The following KHDRBS2 variants were observed in gnomAD, a reference collection of about 807,000 sequenced individuals.
The protein encoded by KHDRBS2 is KH domain-containing, RNA-binding, signal transduction-associated protein 2.
In KHDRBS2, 26 loss-of-function variants were observed where a neutral mutation model predicts 44.3. That is an observed-to-expected ratio of 0.59 (90% CI 0.43 to 0.81). KHDRBS2 has a LOEUF of 0.81. KHDRBS2 is among the 40% of genes least tolerant of loss of function. The pLI, the probability that KHDRBS2 is intolerant of heterozygous loss-of-function variation, is 0.00. For synonymous variants in KHDRBS2, 194 were observed against 151.1 expected (o/e 1.28, Z -2.08); for missense variants, 476 against 433.1 (o/e 1.10, Z -0.88).
intron 4 of KHDRBS2, among the ~76,000 whole-genome samples, chr6:61,904,465 C>T (rs1413974631): frequency 6.6e-6 from 1 of 152,174 alleles, no homozygotes; most frequent in Admixed American, 6.6e-5. Context: ...AGAAATAAAT[C>T]ACCTGTGAGA....
chr6:61,946,828 C>T (rs1813464859), intron 4 of KHDRBS2, among the ~76,000 whole-genome samples: 1 of 152,096 alleles, frequency 6.6e-6, no homozygotes, highest in South Asian at 2.1e-4. Context: ...ATATCCAGAC[C>T]TCTCTCTTTC....
chr6:61,851,785 T>A (rs377002228), intron 6 of KHDRBS2, among the ~76,000 whole-genome samples: 2 of 152,202 alleles, frequency 1.3e-5, no homozygotes, highest in Non-Finnish European at 2.9e-5. Flanking sequence ...AAAAAGATAT[T>A]CAATATGTTT....
intron 1 of KHDRBS2, among the ~76,000 whole-genome samples, chr6:62,263,854 A>G (rs1438428452): frequency 6.6e-6 from 1 of 151,776 alleles, no homozygotes; most frequent in Non-Finnish European, 1.5e-5. Context: ...ACCTAAATGA[A>G]TAGCATATTT....
the KHDRBS2 span, among the ~76,000 whole-genome samples, chr6:61,549,076 T>C: frequency 2.6e-4 from 39 of 152,172 alleles, no homozygotes; most frequent in African/African-American, 8.9e-4. Context: ...AAACATAACG[T>C]GAAATACGGT....
At chr6:62,171,789 A>G (rs1274738825) in intron 2 of KHDRBS2, among the ~76,000 whole-genome samples, 4 of 152,180 alleles carry the variant, frequency 2.6e-5, no homozygotes, top group Non-Finnish European at 5.9e-5. Flanking sequence ...CTCCTAAAGA[A>G]AATAAACTAC....
At chr6:62,050,333 A>G (rs1299513668) in intron 2 of KHDRBS2, among the ~76,000 whole-genome samples, 1 of 151,798 alleles carries the variant, frequency 6.6e-6, no homozygotes, top group Non-Finnish European at 1.5e-5. Context: ...TACCTAATGT[A>G]GATGATGTGT....
intron 6 of KHDRBS2, among the ~76,000 whole-genome samples, chr6:61,736,267 G>C (rs1273555433): frequency 7.0e-6 from 1 of 143,622 alleles, no homozygotes; most frequent in African/African-American, 2.5e-5. Context: ...TTAGGATGTG[G>C]AGTGGATGTT....
the KHDRBS2 span, among the ~76,000 whole-genome samples, chr6:61,549,724 A>T: frequency 6.6e-6 from 1 of 152,192 alleles, no homozygotes; most frequent in African/African-American, 2.4e-5. Flanking sequence ...CCAAAACTTG[A>T]TAAGTAACCT....
chr6:62,135,244 T>C (rs1003253649), intron 2 of KHDRBS2, among the ~76,000 whole-genome samples: 1 of 152,164 alleles, frequency 6.6e-6, no homozygotes, highest in African/African-American at 2.4e-5. Flanking sequence ...CCAATAGTTT[T>C]ATAAGGGGAA....
chr6:62,284,700 G>C (rs1206700387), intron 1 of KHDRBS2, among the ~76,000 whole-genome samples: 2 of 151,706 alleles, frequency 1.3e-5, no homozygotes, highest in Admixed American at 6.6e-5. Context: ...TAATTGTTTA[G>C]TATTTAAACA....
At chr6:62,023,776 T>C (rs1782768588) in intron 3 of KHDRBS2, among the ~76,000 whole-genome samples, 1 of 151,316 alleles carries the variant, frequency 6.6e-6, no homozygotes. Context: ...AGTAAGACTG[T>C]AACCATACAT....
intron 1 of KHDRBS2, among the ~76,000 whole-genome samples, chr6:62,255,605 AACACACACACAC>A (rs60498757): frequency 0.025 from 3,421 of 137,476 alleles, 109 homozygotes; most frequent in African/African-American, 0.073. Context: ...CATGCTTTAA[AACACACACACAC>A]ACACACACAC....
the KHDRBS2 span, among the ~76,000 whole-genome samples, chr6:61,663,114 A>G: frequency 2.6e-5 from 4 of 151,620 alleles, no homozygotes; most frequent in South Asian, 4.2e-4. Context: ...CATGGATGAA[A>G]CTGGAAACCA....
chr6:61,583,927 A>G, the KHDRBS2 span, among the ~76,000 whole-genome samples: 1 of 151,452 alleles, frequency 6.6e-6, no homozygotes, highest in Admixed American at 6.6e-5. Flanking sequence ...ATGTATATAT[A>G]TATCTTTTAT....
intron 2 of KHDRBS2, among the ~76,000 whole-genome samples, chr6:62,063,528 C>G (rs1392626941): frequency 6.6e-6 from 1 of 151,452 alleles, no homozygotes; most frequent in Non-Finnish European, 1.5e-5. Context: ...CAGACAAAAA[C>G]CACATGATTA....
intron 2 of KHDRBS2, among the ~76,000 whole-genome samples, chr6:62,059,775 C>CT (rs1791291127): frequency 6.6e-6 from 1 of 151,282 alleles, no homozygotes; most frequent in Admixed American, 6.6e-5. Flanking sequence ...CATGAAATTG[C>CT]TAAGGGAGAA....
chr6:61,908,863 A>G (rs1224077203), intron 4 of KHDRBS2, among the ~76,000 whole-genome samples: 2 of 152,126 alleles, frequency 1.3e-5, no homozygotes, highest in Non-Finnish European at 2.9e-5. Context: ...AATAGTAAAG[A>G]ATGCTTTACT....
At chr6:61,955,119 T>C (rs1766331575) in intron 4 of KHDRBS2, among the ~76,000 whole-genome samples, 1 of 145,312 alleles carries the variant, frequency 6.9e-6, no homozygotes, top group African/African-American at 2.5e-5. Flanking sequence ...CATATGTGTA[T>C]ATATGTATAC....
At chr6:62,170,374 G>A (rs1251809652) in intron 2 of KHDRBS2, among the ~76,000 whole-genome samples, 3 of 152,040 alleles carry the variant, frequency 2.0e-5, no homozygotes, top group Non-Finnish European at 4.4e-5. Flanking sequence ...CAGAAGAAAC[G>A]CAGGGATGGA....
Sources: allele counts gnomAD v4.1 joint callset (sites outside exome capture counted in the v4.1 genomes callset), GRCh38; gene constraint gnomAD v4.1.1; transcripts MANE v1.5; gene names NCBI Gene and HGNC (gene_info 2026-07-23, HGNC 2026-07-21).